The following FRMD4B variants were observed in gnomAD, a reference collection of about 807,000 sequenced individuals.
FRMD4B encodes the protein FERM domain-containing protein 4B.
A neutral mutation model predicts 141.5 loss-of-function variants in FRMD4B; 74 were observed. The observed-to-expected ratio is 0.52, with a 90% CI of 0.43 to 0.63. The LOEUF (loss-of-function observed/expected upper bound fraction) is 0.63, where lower values mean the gene tolerates loss of function less well. FRMD4B is among the 30% of genes least tolerant of loss of function. FRMD4B has a pLI of 0.00. For missense variants in FRMD4B, 1,366 were observed against 1,253.4 expected (o/e 1.09, Z -1.36); for synonymous variants, 506 against 467.9 (o/e 1.08, Z -1.05).
chr3:69,204,898 A>G (rs1056297385), intron 11 of FRMD4B, among the ~76,000 whole-genome samples: 10 of 152,132 alleles, frequency 6.6e-5, no homozygotes, highest in Non-Finnish European at 1.0e-4. Context: ...TGAGGCTCAG[A>G]GAGGTTAAAG....
intron 2 of FRMD4B, among the ~76,000 whole-genome samples, chr3:69,418,946 T>C (rs1704923348): frequency 6.6e-6 from 1 of 152,100 alleles, no homozygotes; most frequent in Admixed American, 6.6e-5. Context: ...ATACTCTTGG[T>C]TTGCAAAGTG....
intron 2 of FRMD4B, among the ~76,000 whole-genome samples, chr3:69,413,894 G>C (rs1445018745): frequency 1.3e-5 from 2 of 152,152 alleles, no homozygotes; most frequent in East Asian, 3.8e-4. Context: ...AAAGTGGAGA[G>C]AAATTTCTAT....
At chr3:69,463,438 A>G (rs1180006528) in intron 1 of FRMD4B, among the ~76,000 whole-genome samples, 1 of 152,250 alleles carries the variant, frequency 6.6e-6, no homozygotes, top group Non-Finnish European at 1.5e-5. Flanking sequence ...CAAAATAATT[A>G]CAAATATTGG....
At chr3:69,215,897 T>C (rs547002059) in intron 11 of FRMD4B, among the ~76,000 whole-genome samples, 1 of 152,064 alleles carries the variant, frequency 6.6e-6, no homozygotes, top group East Asian at 1.9e-4. Flanking sequence ...CTCACGCCTA[T>C]AATCCCAGCA....
rs149123410 is a variant in FRMD4B at position 69,500,467 on chromosome 3, T to A, written c.-129+41739A>T. ...TGTCCTATTTGGGCATAGAGGAGAG[T>A]TTCAGTGAGTCAGGATGCTGGCTGA... On this transcript the variant is annotated intron_variant, in intron 1 of 5. Transcript: ENST00000459638. Among the ~76,000 whole-genome samples, 49 of 151,654 alleles carry A rather than the reference T, an allele frequency of 3.2e-4. No homozygotes were observed. The East Asian group carries it at 9.1e-3, about 28-fold the overall frequency.
At chr3:69,387,529 G>T (rs1167274077), upstream of FRMD4B, among the ~76,000 whole-genome samples, 1 of 152,082 alleles carries the variant, frequency 6.6e-6, no homozygotes, top group African/African-American at 2.4e-5. Flanking sequence ...GTATTTTCTT[G>T]GCTGTTTCAC....
rs367935491 is a variant in FRMD4B, at chr3:69,197,037, T to G, written c.955A>C (p.Ile319Leu). ...FAVEVHDPRRISVSRRTFGQS... is the reference protein window; with the variant it reads ...FAVEVHDPRRLSVSRRTFGQS... ...CCAAAGGTTCTTCTTGAAACTGAAA[T>G]CCTGAAAGATTAAAGAAAGCACTCA... The change falls in exon 13 of 23, where the codon ATT becomes CTT. Residue 319 changes from isoleucine to leucine, a missense_variant and splice_region_variant. Coordinates refer to ENST00000398540, the MANE Select transcript of FRMD4B (RefSeq NM_015123.3). 1.4e-4 allele frequency: 220 copies of G among 1,609,934 alleles called. No homozygotes were observed. Among genetic ancestry groups the G allele is most frequent in the Non-Finnish European group, 1.8e-4 (210 of 1,177,056 alleles).
intron 1 of FRMD4B, among the ~76,000 whole-genome samples, chr3:69,343,904 C>A (rs914455251): frequency 4.6e-5 from 7 of 152,084 alleles, no homozygotes; most frequent in Non-Finnish European, 1.0e-4. Context: ...CTATACTCCC[C>A]AAGAGTGAGT....
chr3:69,385,901 C>T lies in FRMD4B; in HGVS notation c.89G>A (p.Arg30Lys). 6.2e-7 allele frequency: 1 copy of T among 1,604,170 alleles called. No homozygotes were observed. The highest frequency in any genetic ancestry group is 8.5e-7 in the Non-Finnish European group (1 of 1,175,918). The change falls in exon 1 of 23, where the codon AGA becomes AAA. Residue 30 changes from arginine (R) to lysine (K), a missense_variant. Transcript: ENST00000398540. ...VWNLTVSTLR[R>K]WYTERLRACH... ...AGCCCGCAGCCTCTCCGTGTACCAT[C>T]TCCGCAGCGTGGACACGGTCAAGTT...
chr3:69,513,403 A>G (rs1471463864), intron 1 of FRMD4B, among the ~76,000 whole-genome samples: 1 of 152,206 alleles, frequency 6.6e-6, no homozygotes, highest in Non-Finnish European at 1.5e-5. Context: ...AGATTCAATC[A>G]GTAATCTAAA....
At chr3:69,468,200 A>T (rs35609328) in intron 1 of FRMD4B, among the ~76,000 whole-genome samples, 3 of 150,224 alleles carry the variant, frequency 2.0e-5, no homozygotes, top group Admixed American at 6.6e-5. Context: ...TATATGCAAA[A>T]GCAGAGAAAA....
chr3:69,325,212 G>A (rs1194128802), intron 1 of FRMD4B, among the ~76,000 whole-genome samples: 1 of 152,218 alleles, frequency 6.6e-6, no homozygotes, highest in African/African-American at 2.4e-5. Context: ...GGCTGATGGT[G>A]TTTTCTAAAC....
intron 1 of FRMD4B, among the ~76,000 whole-genome samples, chr3:69,501,540 C>T (rs1232607450): frequency 1.3e-5 from 2 of 152,046 alleles, no homozygotes; most frequent in African/African-American, 4.8e-5. Flanking sequence ...AAACATAGCT[C>T]AACACAGAAG....
intron 5 of FRMD4B, among the ~76,000 whole-genome samples, chr3:69,272,576 T>C (rs1025803142): frequency 6.6e-6 from 1 of 152,250 alleles, no homozygotes; most frequent in Non-Finnish European, 1.5e-5. Flanking sequence ...TACACTCGTA[T>C]GTGTGTACAC....
chr3:69,218,430 CT>C, intron 9 of FRMD4B, 51 bp from the exon 10 acceptor site: 1 of 750,006 alleles, frequency 1.3e-6, no homozygotes, highest in Non-Finnish European at 2.2e-6. Flanking sequence ...TTAGAGGACC[CT>C]TTTGGGAAAA....
chr3:69,342,739 C>T (rs1289769223), intron 1 of FRMD4B, among the ~76,000 whole-genome samples: 1 of 152,156 alleles, frequency 6.6e-6, no homozygotes, highest in African/African-American at 2.4e-5. Flanking sequence ...TCCATCATTT[C>T]AAACATTTAT....
chr3:69,216,057 G>C (rs1376707483), intron 11 of FRMD4B, among the ~76,000 whole-genome samples: 1 of 152,152 alleles, frequency 6.6e-6, no homozygotes, highest in Non-Finnish European at 1.5e-5. Flanking sequence ...GGGAGGCTGA[G>C]GCAGGAGACT....
At chr3:69,430,922 A>G (rs893606839) in intron 2 of FRMD4B, among the ~76,000 whole-genome samples, 8 of 152,216 alleles carry the variant, frequency 5.3e-5, no homozygotes, top group Non-Finnish European at 1.0e-4. Context: ...AGTAGGGACA[A>G]TATTTTTGGA....
At chr3:69,542,017 G>A (rs1383934586) in intron 1 of FRMD4B, among the ~76,000 whole-genome samples, 3 of 152,132 alleles carry the variant, frequency 2.0e-5, no homozygotes, top group Non-Finnish European at 2.9e-5. Context: ...GACTCCAGCG[G>A]AGGCTGCACT....
Sources: allele counts gnomAD v4.1 joint callset (sites outside exome capture counted in the v4.1 genomes callset), GRCh38; gene constraint gnomAD v4.1.1; transcripts MANE v1.5; gene names NCBI Gene and HGNC (gene_info 2026-07-23, HGNC 2026-07-21).